The following SHANK1 variants were observed in gnomAD, a reference collection of about 807,000 sequenced individuals.
The protein encoded by SHANK1 is SH3 and multiple ankyrin repeat domains protein 1.
In SHANK1, 35 loss-of-function variants were observed where a neutral mutation model predicts 165.6. That is an observed-to-expected ratio of 0.21 (90% confidence interval 0.16 to 0.28). The LOEUF is 0.28. Ranked by LOEUF, SHANK1 falls within the 10% of genes least tolerant of loss-of-function variation. SHANK1 has a pLI of 1.00. For synonymous variants in SHANK1, 1,428 were observed against 1,384.8 expected (o/e 1.03, Z -0.69); for missense variants, 2,681 against 3,036.4 (o/e 0.88, Z 2.75).
At position 50,713,799 on chromosome 19, in the gene SHANK1, GT is replaced by G; in HGVS notation, c.790del (p.Thr264ArgfsTer18). 6.2e-7 allele frequency: 1 copy of G among 1,612,796 alleles called. No homozygotes were observed. The highest frequency in any genetic ancestry group is 8.5e-7 in the Non-Finnish European group (1 of 1,179,672). On this transcript the variant is annotated frameshift_variant and splice_region_variant, in exon 6 of 24. Transcript: ENST00000293441. LOFTEE classifies it high-confidence loss of function. The surrounding 1 kb of genome is among the most constrained non-coding windows in gnomAD (Gnocchi z 6.2). Reference sequence around the variant, plus strand: ...GATGGGGGGTCCCCGAAGCCTCACCGTGAGTGCCAGGCAGTGTCGGGCGCAT... The same window carrying G: ...GATGGGGGGTCCCCGAAGCCTCACCGGAGTGCCAGGCAGTGTCGGGCGCAT... ...AACARHCLAL[T>X]ALLDLGGSPN...
chr19:50,677,127 C>CT (rs750956099), intron 21 of SHANK1, among the ~76,000 whole-genome samples: 55,051 of 138,068 alleles, frequency 0.4, 11,493 homozygotes, highest in Admixed American at 0.5. Flanking sequence ...CTATCTCATA[C>CT]TTTTTTTTTT....
Position 50,717,655 on chromosome 19 carries a change from G to A in SHANK1, c.-43-693C>T, listed in dbSNP as rs2089085157. Among the ~76,000 whole-genome samples, 1 of 152,180 alleles carries A rather than the reference G, an allele frequency of 6.6e-6. No individual in the cohort carries two copies. The highest frequency in any genetic ancestry group is 1.9e-4 in the East Asian group (1 of 5,200). On this transcript the variant is annotated intron_variant, in intron 1 of 23. Transcript: ENST00000293441. This position sits in a 1 kb window ranked among gnomAD's most constrained non-coding sequence, Gnocchi z 5.5. ...GGAACCACAAGAGGTGGCTTTTGGA[G>A]ACTGGGGCATCTTGAGAGGGTGTGC...
intron 9 of SHANK1, 117 bp downstream of exon 9, chr19:50,704,319 TC>T: frequency 7.6e-7 from 1 of 1,310,916 alleles, no homozygotes. Flanking sequence ...TTCTTCCAGC[TC>T]CCCCTCCACG....
chr19:50,693,408 C>A (rs1298446622), intron 15 of SHANK1, among the ~76,000 whole-genome samples: 1 of 151,172 alleles, frequency 6.6e-6, no homozygotes, highest in Non-Finnish European at 1.5e-5. Context: ...GCCCCTGCAG[C>A]ACCCCATTCA....
rs1250275185 is a variant in SHANK1, at chr19:50,666,854, G to C, written c.5106C>G (p.Ala1702=). The C allele has an allele frequency of 6.4e-7, 1 of 1,562,690 alleles. No homozygotes were observed. The highest frequency in any genetic ancestry group is 8.7e-7 in the Non-Finnish European group (1 of 1,154,716). The change falls in exon 23 of 24, where the codon GCC becomes GCG. Residue 1702 remains alanine, a synonymous_variant. Transcript: ENST00000293441. The part of the protein sequence containing the change: ...SSASTLSSLS[A]EGGGSAGGGG... Reference sequence around the variant, plus strand: ...CACCCCCTGCGCTGCCACCACCTTCGGCAGATAGGCTGCTCAGCGTGGAGG... The same window carrying C: ...CACCCCCTGCGCTGCCACCACCTTCCGCAGATAGGCTGCTCAGCGTGGAGG...
At position 50,668,325 on chromosome 19, in the gene SHANK1, G is replaced by C; in HGVS notation, c.3635C>G (p.Ser1212Trp). 7.9e-7 allele frequency: 1 copy of C among 1,273,542 alleles called. No homozygotes were observed. Among genetic ancestry groups the C allele is most frequent in the Non-Finnish European group, 9.9e-7 (1 of 1,012,694 alleles). The allele number at this position is 1,273,542 out of a possible 1,614,324, so 78.9% of individuals were successfully genotyped here. A position where few individuals can be genotyped will look rare whatever the true frequency, so the allele number is the denominator to read the frequency against. Residue 1212 changes from serine (S) to tryptophan (W), a missense_variant, in exon 23 of 24, where the codon TCG becomes TGG. Around this residue, in one of 10 missense-constraint regions of SHANK1, gnomAD observed 1,713 missense variants for 1,630.2 expected, o/e 1.05. Coordinates refer to ENST00000293441, the MANE Select transcript of SHANK1 (RefSeq NM_016148.5). ...GGGCGAGGCGGGGGTGGGCACGGGC[G>C]AGGGGGACGGGGGCACGGGTGACAT... The part of the protein sequence containing the change: ...PAMSPVPPSP[S>W]PVPTPASPSG...
In SHANK1 at chr19:50,666,947, C is replaced by T. The variant is rs1431131506; in HGVS notation, c.5013G>A (p.Thr1671=). 1.3e-6 allele frequency: 2 copies of T among 1,598,104 alleles called. No individual in the cohort carries two copies. Among genetic ancestry groups the T allele is most frequent in the Non-Finnish European group, 1.7e-6 (2 of 1,171,886 alleles). ...TGTCCACCTCCTCGATGCCAGAATC[C>T]GTGCCAGGCGGAGGGTCCGGGCCAG... ...PQPGPDPPPG[T]DSGIEEVDSR... is the part of the protein sequence containing the mutation. The change falls in exon 23 of 24, where the codon ACG becomes ACA. Residue 1671 remains threonine, a synonymous_variant. Transcript: ENST00000293441.
At chr19:50,684,222 G>A (rs1986261816) in intron 21 of SHANK1, among the ~76,000 whole-genome samples, 1 of 143,202 alleles carries the variant, frequency 7.0e-6, no homozygotes, top group Non-Finnish European at 1.5e-5. Context: ...TCCATATAAG[G>A]AAGAAGGTTT....
At chr19:50,703,427 C>CG (rs2088894507) in intron 11 of SHANK1, 73 bp downstream of exon 11, 1 of 1,340,756 alleles carries the variant, frequency 7.5e-7, no homozygotes, top group Non-Finnish European at 1.0e-6. Context: ...GGGCTGGCCT[C>CG]GGGGGAAGCC....
rs757959202 is a variant in SHANK1, at chr19:50,703,541, C to A, written c.1512G>T (p.Arg504Ser). ...GCTGCCTCTTGGCGTCCTCAGGGTG[C>A]CTCCCTCGGGATGGAGAGCGGGCCC... ...GARARSPSRG[R>S]HPEDAKRQPR... The change falls in exon 11 of 24, where the codon AGG becomes AGT. Residue 504 changes from arginine (R) to serine (S), a missense_variant. Around this residue, in one of 10 missense-constraint regions of SHANK1, gnomAD observed 195 missense variants for 186.2 expected, o/e 1.05. Transcript: ENST00000293441. The A allele has an allele frequency of 6.4e-7, 1 of 1,550,652 alleles. No homozygotes were observed. The highest frequency in any genetic ancestry group is 1.2e-5 in the South Asian group (1 of 84,840).
rs776769952 is a variant in SHANK1, at chr19:50,703,628, C to T, written c.1425G>A (p.Ser475=). 9.5e-5 allele frequency: 147 copies of T among 1,547,466 alleles called. 1 individual carries two copies. The highest frequency in any genetic ancestry group is 5.3e-4 in the Middle Eastern group (3 of 5,666). ...TSGSQGQSQP[S]APTTKLSSGT... The stretch of plus-strand genomic sequence containing the variant: ...CGCTGCTGAGCTTGGTGGTGGGGGC[C>T]GAGGGCTGCGACTGGCCCTGGGACC... Residue 475 remains serine (S), a synonymous_variant, in exon 11 of 24, where the codon TCG becomes TCA. Transcript: ENST00000293441.
In SHANK1 at chr19:50,697,038, C is replaced by A; in HGVS notation, c.1964+58G>T. ...TCGTGCACACACGTTCACACGCCCC[C>A]CAGGCACCCCGTCCTTCCCCTCCTG... On this transcript the variant is annotated intron_variant, in intron 15 of 23. Transcript: ENST00000293441. The surrounding 1 kb of genome is among the most constrained non-coding windows in gnomAD (Gnocchi z 4.7). The A allele has an allele frequency of 1.4e-6, 2 of 1,461,076 alleles. No individual in the cohort carries two copies. The highest frequency in any genetic ancestry group is 1.9e-6 in the Non-Finnish European group (2 of 1,040,518). 90.5% of individuals were successfully genotyped at this position (1,461,076 alleles called of 1,614,324 possible).
At position 50,666,555 on chromosome 19, in the gene SHANK1, G is replaced by C; in HGVS notation, c.5405C>G (p.Ala1802Gly). The C allele has an allele frequency of 1.1e-5, 17 of 1,598,264 alleles. No homozygotes were observed. The highest frequency in any genetic ancestry group is 1.4e-5 in the Non-Finnish European group (17 of 1,174,746). Residue 1802 changes from alanine to glycine, a missense_variant, in exon 23 of 24, where the codon GCT becomes GGT. By Grantham distance (60) the Ala-to-Gly change is moderately conservative. Transcript: ENST00000293441. The stretch of plus-strand genomic sequence containing the variant: ...GCCTGCCGTGGGGGGTCCTGAACAA[G>C]CACGCAGGGCCAGCAGCCCATCGGT... ...AGTDGLLALRACSGPPTAGVA... is the reference protein window; with the variant it reads ...AGTDGLLALRGCSGPPTAGVA...
At chr19:50,695,871 C>G (rs996331320) in intron 15 of SHANK1, among the ~76,000 whole-genome samples, 1 of 149,520 alleles carries the variant, frequency 6.7e-6, no homozygotes, top group African/African-American at 2.5e-5. Context: ...GGACCCCGAG[C>G]CAGCGCGGGG....
Position 50,702,213 on chromosome 19 carries a change from A to C in SHANK1, c.1747+254T>G, listed in dbSNP as rs1986939501. Among the ~76,000 whole-genome samples the C allele has an allele frequency of 6.6e-6, 1 of 152,080 alleles. No homozygotes were observed. Among genetic ancestry groups the C allele is most frequent in the Non-Finnish European group, 1.5e-5 (1 of 68,002 alleles). ...AGTCTAATGAGACGATTTGGTGAGA[A>C]GTTCCAGCCATGCCCTGCACACGGC... On this transcript the variant is annotated intron_variant, in intron 12 of 23. Transcript: ENST00000293441. The surrounding 1 kb of genome is among the most constrained non-coding windows in gnomAD (Gnocchi z 5.3).
intron 15 of SHANK1, among the ~76,000 whole-genome samples, chr19:50,694,982 G>A (rs1986684349): frequency 6.7e-6 from 1 of 149,756 alleles, no homozygotes; most frequent in African/African-American, 2.4e-5. Context: ...GGCTGCGGCA[G>A]GGAGCTCCCA....
chr19:50,692,675 C>G (rs910707643), intron 15 of SHANK1, among the ~76,000 whole-genome samples: 2 of 151,648 alleles, frequency 1.3e-5, no homozygotes, highest in African/African-American at 4.9e-5. Flanking sequence ...CTTGAACTTC[C>G]CAACTGCTCT....
intron 22 of SHANK1, 29 bp from the exon 23 acceptor site, chr19:50,669,314 G>A (rs1385614818): frequency 6.0e-6 from 9 of 1,499,936 alleles, no homozygotes; most frequent in South Asian, 1.2e-5. Context: ...TCAAGGAGGG[G>A]GACCCTGGCG....
intron 15 of SHANK1, among the ~76,000 whole-genome samples, chr19:50,694,576 A>G (rs1302012704): frequency 9.5e-5 from 8 of 84,550 alleles, no homozygotes. Flanking sequence ...TGCTGGGAGG[A>G]AGGTCTTGGG....
Sources: allele counts gnomAD v4.1 joint callset (sites outside exome capture counted in the v4.1 genomes callset), GRCh38; gene constraint gnomAD v4.1.1; regional missense constraint gnomAD v4.1.1; non-coding constraint Gnocchi (gnomAD v3.1); transcripts MANE v1.5; gene names NCBI Gene and HGNC (gene_info 2026-07-23, HGNC 2026-07-21).